The following LRRC4C variants were observed in gnomAD, a reference collection of about 807,000 sequenced individuals.
LRRC4C encodes leucine rich repeat containing 4C.
In LRRC4C, 5 loss-of-function variants were observed where a neutral mutation model predicts 33.6. That is an observed-to-expected ratio of 0.15 (90% CI 0.08 to 0.31). LRRC4C has a LOEUF of 0.31. Ranked by LOEUF, LRRC4C falls within the 10% of genes least tolerant of loss-of-function variation. The pLI is 1.00. For synonymous variants in LRRC4C, 329 were observed against 302.0 expected, an observed-to-expected ratio of 1.09 and a Z score of -0.93; for missense variants, 560 against 796.7, an observed-to-expected ratio of 0.70 and a Z score of 3.58.
chr11:40,168,468 C>A lies in LRRC4C; in HGVS notation c.-95-27615G>T, dbSNP rs183245992. 4.8e-3 allele frequency among the ~76,000 whole-genome samples: 727 copies of A among 152,324 alleles called. 5 individuals carry two copies. The highest frequency in any genetic ancestry group is 0.016 in the African/African-American group (684 of 41,562). On this transcript the variant is annotated intron_variant, in intron 5 of 6. Transcript: ENST00000528697. ...TCAAGTCAATGAATCCACTTCACAT[C>A]TGTGTGGATTGGTCACATTAAATAG...
At chr11:40,182,937 T>C (rs972213398) in intron 5 of LRRC4C, among the ~76,000 whole-genome samples, 1 of 152,164 alleles carries the variant, frequency 6.6e-6, no homozygotes, top group African/African-American at 2.4e-5. Flanking sequence ...TCTCATTTTA[T>C]GGTTTAAAAA....
intron 2 of LRRC4C, among the ~76,000 whole-genome samples, chr11:40,677,429 T>A (rs75339890): frequency 4.7e-4 from 72 of 152,176 alleles, no homozygotes; most frequent in African/African-American, 1.6e-3. Flanking sequence ...ATATTAGATG[T>A]GTTAGTATCC....
chr11:40,917,332 A>T (rs1241524264), intron 2 of LRRC4C, among the ~76,000 whole-genome samples: 1 of 152,144 alleles, frequency 6.6e-6, no homozygotes, highest in African/African-American at 2.4e-5. Context: ...GGTTAATAGA[A>T]CATTTACAGA....
At chr11:41,174,656 T>A (rs886473112) in intron 1 of LRRC4C, among the ~76,000 whole-genome samples, 2 of 152,128 alleles carry the variant, frequency 1.3e-5, no homozygotes, top group Non-Finnish European at 2.9e-5. Context: ...CATGCTCAAC[T>A]GCATTTTGAA....
At chr11:41,338,291 C>G (rs1260944733) in intron 1 of LRRC4C, among the ~76,000 whole-genome samples, 2 of 152,140 alleles carry the variant, frequency 1.3e-5, no homozygotes, top group African/African-American at 4.8e-5. Flanking sequence ...ATGGAACCAA[C>G]CCACATGCCT....
At chr11:40,343,726 A>AAAAG (rs59445773) in intron 3 of LRRC4C, among the ~76,000 whole-genome samples, 1 of 146,716 alleles carries the variant, frequency 6.8e-6, no homozygotes, top group South Asian at 2.2e-4. Flanking sequence ...AAAAAAAAAA[A>AAAAG]GAGAGAGACA....
At chr11:41,356,305 G>T (rs1206200325) in intron 1 of LRRC4C, among the ~76,000 whole-genome samples, 1 of 152,094 alleles carries the variant, frequency 6.6e-6, no homozygotes, top group Non-Finnish European at 1.5e-5. Flanking sequence ...TATATCTACT[G>T]GTAGATCACA....
chr11:41,101,719 T>C (rs1049582693), intron 1 of LRRC4C, among the ~76,000 whole-genome samples: 1 of 152,190 alleles, frequency 6.6e-6, no homozygotes, highest in African/African-American at 2.4e-5. Context: ...GCAGCACTAT[T>C]CACAGAAGCA....
intron 5 of LRRC4C, among the ~76,000 whole-genome samples, chr11:40,196,686 T>C (rs1590679512): frequency 1.3e-5 from 2 of 152,160 alleles, no homozygotes; most frequent in African/African-American, 2.4e-5. Flanking sequence ...TTTACAAAAG[T>C]GTCTACTCAA....
chr11:41,104,223 A>C (rs1393073691), intron 1 of LRRC4C, among the ~76,000 whole-genome samples: 1 of 151,974 alleles, frequency 6.6e-6, no homozygotes, highest in African/African-American at 2.4e-5. Context: ...ACTTTTATCC[A>C]AAAACGTAAA....
chr11:40,677,928 G>A (rs142383589), intron 2 of LRRC4C, among the ~76,000 whole-genome samples: 3 of 152,110 alleles, frequency 2.0e-5, no homozygotes, highest in African/African-American at 7.2e-5. Flanking sequence ...TAAAGATAAG[G>A]CACATAAACC....
At chr11:40,552,147 A>C (rs1957149381) in intron 3 of LRRC4C, among the ~76,000 whole-genome samples, 1 of 152,222 alleles carries the variant, frequency 6.6e-6, no homozygotes. Context: ...CAAACACATA[A>C]GTCAATTTCT....
At chr11:40,703,229 A>C (rs4567444) in intron 2 of LRRC4C, among the ~76,000 whole-genome samples, 50,610 of 151,704 alleles carry the variant, frequency 0.33, 8,525 homozygotes, top group East Asian at 0.44. Context: ...GCCCTCACAA[A>C]AAAATGATGA....
At chr11:41,063,031 G>A (rs376963998) in intron 1 of LRRC4C, among the ~76,000 whole-genome samples, 1 of 152,096 alleles carries the variant, frequency 6.6e-6, no homozygotes, top group South Asian at 2.1e-4. Context: ...CCAAATTTGT[G>A]ATAATTTCTT....
intron 1 of LRRC4C, among the ~76,000 whole-genome samples, chr11:41,230,424 A>G (rs1476053988): frequency 6.6e-6 from 1 of 152,016 alleles, no homozygotes; most frequent in Admixed American, 6.6e-5. Context: ...TTCAGTGGAG[A>G]GGCAAATCCC....
intron 3 of LRRC4C, among the ~76,000 whole-genome samples, chr11:40,336,976 CAAAAAA>C (rs34144874): frequency 7.6e-5 from 6 of 79,276 alleles, no homozygotes; most frequent in African/African-American, 3.9e-4. Flanking sequence ...GACTTCGTCT[CAAAAAA>C]AAAAAAAAAA....
At chr11:40,224,223 T>G (rs1864624043) in intron 5 of LRRC4C, among the ~76,000 whole-genome samples, 1 of 152,238 alleles carries the variant, frequency 6.6e-6, no homozygotes, top group Admixed American at 6.5e-5. Context: ...AGCCTCCACA[T>G]TCATTAAAAT....
chr11:41,160,533 A>G (rs1944423315), intron 1 of LRRC4C, among the ~76,000 whole-genome samples: 1 of 152,174 alleles, frequency 6.6e-6, no homozygotes, highest in South Asian at 2.1e-4. Flanking sequence ...GATCTTAAGG[A>G]CAATGGCCAT....
chr11:41,392,382 C>T lies in LRRC4C; in HGVS notation c.-496+67049G>A, dbSNP rs781125524. Among the ~76,000 whole-genome samples, 9 of 151,890 alleles carry T rather than the reference C, an allele frequency of 5.9e-5. No individual in the cohort carries two copies. In the East Asian group the frequency reaches 1.8e-3, roughly 30 times the overall value. ...ACAACCATTTAACAGAGCTGATCTTCCACTGGGCTCTGTATATTTCAATAT... is the reference window on the plus strand; with the variant it reads ...ACAACCATTTAACAGAGCTGATCTTTCACTGGGCTCTGTATATTTCAATAT... On this transcript the variant is annotated intron_variant, in intron 1 of 6. Transcript: ENST00000528697.
Sources: allele counts gnomAD v4.1 joint callset (sites outside exome capture counted in the v4.1 genomes callset), GRCh38; gene constraint gnomAD v4.1.1; transcripts MANE v1.5; gene names NCBI Gene and HGNC (gene_info 2026-07-23, HGNC 2026-07-21).